SPINK4: variants seen among roughly 807,000 people sequenced by gnomAD.
The protein encoded by SPINK4 is serine peptidase inhibitor Kazal type 4.
Under a neutral mutation model 12.3 loss-of-function variants are expected in SPINK4, and 10 were observed. The observed-to-expected ratio is 0.81, with a 90% CI of 0.50 to 1.37. The LOEUF (loss-of-function observed/expected upper bound fraction) is 1.37. Ranked by LOEUF, SPINK4 falls within the 40% of genes most tolerant of loss-of-function variation. The pLI, the probability that SPINK4 is intolerant of heterozygous loss-of-function variation, is 0.00. For missense variants in SPINK4, 91 were observed against 109.0 expected, an observed-to-expected ratio of 0.84 and a Z score of 0.73; for synonymous variants, 37 against 40.2, an observed-to-expected ratio of 0.92 and a Z score of 0.30.
chr9:33,240,491 C>G (rs1046174044), intron 1 of SPINK4, among the ~76,000 whole-genome samples: 25 of 152,216 alleles, frequency 1.6e-4, no homozygotes, highest in Admixed American at 1.6e-3. Context: ...GTCCCCTACC[C>G]TCTTGGGGCC....
intron 1 of SPINK4, among the ~76,000 whole-genome samples, chr9:33,244,858 A>C (rs1251928246): frequency 6.6e-6 from 1 of 152,212 alleles, no homozygotes; most frequent in East Asian, 1.9e-4. Context: ...CAACAATTCC[A>C]GTGGGATCTA....
Position 33,240,355 on chromosome 9 carries a change from T to C in SPINK4, c.61+86T>C, listed in dbSNP as rs76443437. The stretch of plus-strand genomic sequence containing the variant: ...AGCAGAAGCAGGGCCTGGAGCACCC[T>C]GTGAGGCCTCAGCTTTTTCCATGTA... On this transcript the variant is annotated intron_variant, in intron 1 of 3. Coordinates refer to ENST00000379721, the MANE Select transcript of SPINK4 (RefSeq NM_014471.3). 5 of 1,244,788 alleles carry C rather than the reference T, an allele frequency of 4.0e-6. No homozygotes were observed. The East Asian group carries it at 1.4e-4, about 36-fold the overall frequency. 77.1% of individuals were successfully genotyped at this position (1,244,788 alleles called of 1,614,324 possible). A position where few individuals can be genotyped will look rare whatever the true frequency, so the allele number is the denominator to read the frequency against.
intron 3 of SPINK4, among the ~76,000 whole-genome samples, chr9:33,247,319 G>C (rs995507408): frequency 1.8e-4 from 27 of 151,396 alleles, no homozygotes; most frequent in Non-Finnish European, 3.4e-4. Context: ...CACCACACCT[G>C]GCTAATTTTT....
intron 2 of SPINK4, among the ~76,000 whole-genome samples, chr9:33,245,993 T>C (rs1451946673): frequency 6.6e-6 from 1 of 152,212 alleles, no homozygotes; most frequent in Non-Finnish European, 1.5e-5. Context: ...AGCCTATCCC[T>C]GTCTCAGGCA....
chr9:33,240,556 C>A (rs1377835932), intron 1 of SPINK4, among the ~76,000 whole-genome samples: 1 of 152,214 alleles, frequency 6.6e-6, no homozygotes, highest in Non-Finnish European at 1.5e-5. Context: ...CTGCACTGAG[C>A]AACTATTGGG....
chr9:33,248,159 G>T, intron 3 of SPINK4: 1 of 504,928 alleles, frequency 2.0e-6, no homozygotes, highest in Non-Finnish European at 3.6e-6. Flanking sequence ...GTAGGACATA[G>T]GTCCGAGCTG....
rs536798168 is a variant in SPINK4 at position 33,248,380 on chromosome 9, A to G, written c.216-46A>G. ...GTGCCAGGTCCCTGAATGGTACACT[A>G]CAGCTCCTGAGAAGGTAGCCTCATG... On this transcript the variant is annotated intron_variant, in intron 3 of 3. Coordinates refer to ENST00000379721, the MANE Select transcript of SPINK4 (RefSeq NM_014471.3). 144 of 1,609,272 alleles carry G rather than the reference A, an allele frequency of 8.9e-5. 1 individual carries two copies. In the South Asian group the frequency reaches 1.5e-3, roughly 17 times the overall value.
chr9:33,243,038 G>A (rs1038531309), intron 1 of SPINK4, among the ~76,000 whole-genome samples: 1 of 151,674 alleles, frequency 6.6e-6, no homozygotes, highest in South Asian at 2.1e-4. Context: ...ACCACACTCA[G>A]CTAATTTAAA....
rs189712758 is a variant in SPINK4 at position 33,246,111 on chromosome 9, G to A, written c.103-505G>A. Among the ~76,000 whole-genome samples the A allele has an allele frequency of 7.9e-5, 12 of 152,204 alleles. No homozygotes were observed. The East Asian group carries it at 2.1e-3, about 27-fold the overall frequency. On this transcript the variant is annotated intron_variant, in intron 2 of 3. Transcript: ENST00000379721. ...GCTCTGCCCCATTTCTTCAGCCTTC[G>A]CACACTTTGCAGCCTTTCTGACATG...
intron 1 of SPINK4, among the ~76,000 whole-genome samples, chr9:33,244,557 CT>C (rs1820268228): frequency 6.6e-6 from 1 of 152,156 alleles, no homozygotes; most frequent in South Asian, 2.1e-4. Context: ...GGGATATGGG[CT>C]GTTCCTGGGT....
intron 2 of SPINK4, 52 bp from the exon 3 acceptor site, chr9:33,246,564 C>A: frequency 6.6e-7 from 1 of 1,516,994 alleles, no homozygotes; most frequent in African/African-American, 1.4e-5. Context: ...CCCTGTATCC[C>A]TCCCCACTGC....
At chr9:33,242,186 C>T (rs1174933817) in intron 1 of SPINK4, among the ~76,000 whole-genome samples, 1 of 152,188 alleles carries the variant, frequency 6.6e-6, no homozygotes, top group Non-Finnish European at 1.5e-5. Context: ...TTCCTGAACA[C>T]CCACAGTGTA....
At chr9:33,248,053 T>G in intron 3 of SPINK4, 1 of 201,672 alleles carries the variant, frequency 5.0e-6, no homozygotes, top group East Asian at 1.2e-4. Context: ...AGATGGGTGG[T>G]TTGGGGGTCT....
Position 33,240,201 on chromosome 9 carries a change from G to A in SPINK4, c.-8G>A, listed in dbSNP as rs748962309. The A allele has an allele frequency of 8.1e-6, 13 of 1,603,076 alleles. No homozygotes were observed. Among genetic ancestry groups the A allele is most frequent in the Middle Eastern group, 3.3e-4 (2 of 6,036 alleles). ...AGCCAGCTCAGGCTACACTATCCCA[G>A]GATCAGCATGGCCGTCCGCCAGTGG... On this transcript the variant is annotated 5_prime_UTR_variant, in exon 1 of 4. Transcript: ENST00000379721.
chr9:33,241,675 TTTTG>T (rs1448834379), intron 1 of SPINK4, among the ~76,000 whole-genome samples: 3 of 130,390 alleles, frequency 2.3e-5, no homozygotes, highest in East Asian at 4.1e-4. Flanking sequence ...GAAGTTTGGT[TTTTG>T]TTTGTTTGTT....
chr9:33,248,559 C>A lies in SPINK4; in HGVS notation c.*88C>A. The A allele has an allele frequency of 1.3e-6, 2 of 1,499,902 alleles. No homozygotes were observed. Among genetic ancestry groups the A allele is most frequent in the Non-Finnish European group, 9.2e-7 (1 of 1,089,018 alleles). 92.9% of individuals were successfully genotyped at this position (1,499,902 alleles called of 1,614,324 possible). On this transcript the variant is annotated 3_prime_UTR_variant, in exon 4 of 4. Transcript: ENST00000379721. ...ATATGACATGAAATAAAAGATCCAG[C>A]CCAACTGAGTGAAGTGGTCAGTGTC...
At chr9:33,246,592 C>G in intron 2 of SPINK4, 24 bp from the exon 3 acceptor site, 1 of 1,600,600 alleles carries the variant, frequency 6.2e-7, no homozygotes, top group Non-Finnish European at 8.6e-7. Flanking sequence ...TCCCTGAGTC[C>G]TCTCCCTCCC....
chr9:33,241,788 C>G (rs1326803051), intron 1 of SPINK4, among the ~76,000 whole-genome samples: 5 of 152,140 alleles, frequency 3.3e-5, no homozygotes, highest in Admixed American at 6.5e-5. Context: ...GTAAATGTAG[C>G]TTTTCCCCAC....
At chr9:33,241,783 T>C (rs544004137) in intron 1 of SPINK4, among the ~76,000 whole-genome samples, 41 of 152,260 alleles carry the variant, frequency 2.7e-4, no homozygotes, top group Middle Eastern at 3.4e-3. Context: ...TGGGGGTAAA[T>C]GTAGCTTTTC....
Sources: allele counts gnomAD v4.1 joint callset (sites outside exome capture counted in the v4.1 genomes callset), GRCh38; gene constraint gnomAD v4.1.1; transcripts MANE v1.5; gene names NCBI Gene and HGNC (gene_info 2026-07-23, HGNC 2026-07-21).